Variants in PPM1B observed in about 807,000 individuals in gnomAD.
PPM1B encodes protein phosphatase 1B.
In PPM1B, 22 loss-of-function variants were observed where a neutral mutation model predicts 43.0. The observed-to-expected ratio is 0.51, with a 90% CI of 0.37 to 0.73. PPM1B has a LOEUF of 0.73. Among genes scored for constraint, PPM1B ranks in the 30% least tolerant of loss-of-function variants. The pLI is 0.00. For synonymous variants in PPM1B, 217 were observed against 197.9 expected, an observed-to-expected ratio of 1.10 and a Z score of -0.81; for missense variants, 632 against 584.2, an observed-to-expected ratio of 1.08 and a Z score of -0.84.
intron 1 of PPM1B, among the ~76,000 whole-genome samples, chr2:44,169,611 C>T (rs942263479): frequency 3.3e-5 from 5 of 152,246 alleles, no homozygotes; most frequent in South Asian, 2.1e-4. Context: ...CACGAAAGCA[C>T]TGGGGCTACC....
chr2:44,231,123 A>T lies in PPM1B; in HGVS notation c.*405A>T. On this transcript the variant is annotated 3_prime_UTR_variant, in exon 6 of 6. Coordinates refer to ENST00000282412, the MANE Select transcript of PPM1B (RefSeq NM_002706.6). Reference sequence around the variant, plus strand: ...TAGTACACTCATAGTTAGCTTTGTAATAAATTTATGTTTTCTTTAATAATT... The same window carrying T: ...TAGTACACTCATAGTTAGCTTTGTATTAAATTTATGTTTTCTTTAATAATT... 1.1e-6 allele frequency: 1 copy of T among 933,246 alleles called. No individual in the cohort carries two copies. Among genetic ancestry groups the T allele is most frequent in the Non-Finnish European group, 1.3e-6 (1 of 782,474 alleles). 57.8% of individuals were successfully genotyped at this position (933,246 alleles called of 1,614,324 possible).
At chr2:44,218,742 G>C (rs1669840226) in intron 5 of PPM1B, 1 of 496,150 alleles carries the variant, frequency 2.0e-6, no homozygotes, top group African/African-American at 2.0e-5. Flanking sequence ...AGATAGTTTT[G>C]TTGTCACTTT....
At chr2:44,231,762 C>G (rs371177500), downstream of PPM1B, among the ~76,000 whole-genome samples, 4 of 152,042 alleles carry the variant, frequency 2.6e-5, no homozygotes, top group Non-Finnish European at 4.4e-5. Flanking sequence ...TTAAAGATTG[C>G]AGAATTGTCC....
At chr2:44,210,170 C>G (rs61468943) in intron 3 of PPM1B, among the ~76,000 whole-genome samples, 1 of 150,676 alleles carries the variant, frequency 6.6e-6, no homozygotes, top group Non-Finnish European at 1.5e-5. Flanking sequence ...ATTAGTGTTT[C>G]AAAAGATTAT....
At chr2:44,189,707 C>T (rs780014669) in intron 1 of PPM1B, among the ~76,000 whole-genome samples, 2 of 152,164 alleles carry the variant, frequency 1.3e-5, no homozygotes, top group Non-Finnish European at 2.9e-5. Context: ...TCAGTTTATC[C>T]ACCTGCCTTG....
chr2:44,236,095 G>GA (rs899145015), downstream of PPM1B, among the ~76,000 whole-genome samples: 9 of 151,200 alleles, frequency 6.0e-5, no homozygotes, highest in Admixed American at 1.3e-4. Context: ...CATTGTCATT[G>GA]AAAAAAAATT....
chr2:44,231,462 G>T lies in PPM1B; in HGVS notation c.*744G>T. 1 of 972,430 alleles carries T rather than the reference G, an allele frequency of 1.0e-6. No homozygotes were observed. The highest frequency in any genetic ancestry group is 1.2e-6 in the Non-Finnish European group (1 of 818,236). 60.2% of individuals were successfully genotyped at this position (972,430 alleles called of 1,614,324 possible). The stretch of plus-strand genomic sequence containing the variant: ...TAAGTCCAAATAAAGCATGTGATGT[G>T]GAATAATCTATGCATGTTGTACTTA... On this transcript the variant is annotated 3_prime_UTR_variant, in exon 6 of 6. Transcript: ENST00000282412.
chr2:44,173,900 G>A (rs1452837985), intron 1 of PPM1B, among the ~76,000 whole-genome samples: 5 of 152,176 alleles, frequency 3.3e-5, no homozygotes, highest in South Asian at 4.1e-4. Flanking sequence ...CCAAGATCAC[G>A]CCACTGCACT....
chr2:44,183,586 T>G (rs1667984323), intron 1 of PPM1B, among the ~76,000 whole-genome samples: 1 of 152,134 alleles, frequency 6.6e-6, no homozygotes, highest in Admixed American at 6.5e-5. Context: ...GCCTAAAGCT[T>G]CAGCTTCTTT....
At chr2:44,190,538 C>A (rs548375156) in intron 1 of PPM1B, among the ~76,000 whole-genome samples, 63 of 152,166 alleles carry the variant, frequency 4.1e-4, no homozygotes, top group Admixed American at 8.5e-4. Context: ...AGCTTTTCTC[C>A]CCTTTGCTTG....
chr2:44,245,087 C>T (rs1558440448), downstream of PPM1B, among the ~76,000 whole-genome samples: 1 of 152,044 alleles, frequency 6.6e-6, no homozygotes, highest in African/African-American at 2.4e-5. Context: ...AAATAAACTA[C>T]ATTTTCTAGG....
At chr2:44,173,694 G>C (rs1163392623) in intron 1 of PPM1B, among the ~76,000 whole-genome samples, 3 of 152,166 alleles carry the variant, frequency 2.0e-5, no homozygotes, top group Non-Finnish European at 4.4e-5. Flanking sequence ...TGTAATCCCA[G>C]TACTTTGGGA....
chr2:44,229,867 T>C, intron 5 of PPM1B: 1 of 837,594 alleles, frequency 1.2e-6, no homozygotes, highest in Admixed American at 3.1e-5. Flanking sequence ...TATTTTTATC[T>C]AGAGATGTTT....
At chr2:44,246,349 C>G (rs891790897), downstream of PPM1B, among the ~76,000 whole-genome samples, 5 of 151,998 alleles carry the variant, frequency 3.3e-5, no homozygotes, top group Admixed American at 1.3e-4. Context: ...TTTATTTGTT[C>G]CTATTAAGTT....
At chr2:44,191,750 T>C (rs1045389013) in intron 1 of PPM1B, among the ~76,000 whole-genome samples, 3 of 152,234 alleles carry the variant, frequency 2.0e-5, no homozygotes, top group African/African-American at 7.2e-5. Context: ...TATGCATTTT[T>C]ATTCTACCAA....
At chr2:44,196,015 C>G (rs1668644614) in intron 1 of PPM1B, among the ~76,000 whole-genome samples, 2 of 152,170 alleles carry the variant, frequency 1.3e-5, no homozygotes, top group South Asian at 4.1e-4. Context: ...TTCTCCCCAG[C>G]CAGTATTTGT....
rs986897044 is a variant in PPM1B at position 44,213,396 on chromosome 2, A to G, written c.964+4069A>G. Among the ~76,000 whole-genome samples the G allele has an allele frequency of 2.7e-5, 4 of 149,824 alleles. No individual in the cohort carries two copies. The East Asian group carries it at 7.8e-4, about 29-fold the overall frequency. On this transcript the variant is annotated intron_variant, in intron 3 of 5. Coordinates refer to ENST00000282412, the MANE Select transcript of PPM1B (RefSeq NM_002706.6). ...GAATGATATAACTTACGATGATGGTATAATAGTTCGTTGAATTTGGCCATT... is the reference window on the plus strand; with the variant it reads ...GAATGATATAACTTACGATGATGGTGTAATAGTTCGTTGAATTTGGCCATT...
chr2:44,220,721 C>G (rs1233560645), intron 5 of PPM1B, among the ~76,000 whole-genome samples: 5 of 152,168 alleles, frequency 3.3e-5, no homozygotes, highest in Non-Finnish European at 5.9e-5. Context: ...AAATAAATGA[C>G]AAAATCCAGA....
In PPM1B at chr2:44,192,645, A is replaced by G. The variant is rs192937947; in HGVS notation, c.-14-8541A>G. Among the ~76,000 whole-genome samples the G allele has an allele frequency of 5.1e-4, 77 of 152,330 alleles. 1 individual carries two copies. The East Asian group carries it at 5.4e-3, about 11-fold the overall frequency. ...TTGAATCAAGCTAATGAACATATCT[A>G]TCACCTTACATAATTATTATTTATT... On this transcript the variant is annotated intron_variant, in intron 1 of 5. Transcript: ENST00000282412.
Sources: gnomAD v4.1 joint callset for allele counts (sites outside exome capture counted in the v4.1 genomes callset) on GRCh38, gnomAD v4.1.1 for gene constraint, MANE v1.5 for transcripts, NCBI Gene and HGNC (gene_info 2026-07-23, HGNC 2026-07-21) for gene names.